Variants in TMEFF1 observed in about 807,000 individuals in gnomAD.
TMEFF1 encodes the protein transmembrane protein with EGF like and two follistatin like domains 1.
Under a neutral mutation model 47.5 loss-of-function variants are expected in TMEFF1, and 20 were observed. The ratio of observed to expected loss-of-function variants is 0.42; its 90% confidence interval spans 0.30 to 0.61. TMEFF1 has a LOEUF of 0.61. Ranked by LOEUF, TMEFF1 falls within the 20% of genes least tolerant of loss-of-function variation. The pLI, the probability that TMEFF1 is intolerant of heterozygous loss-of-function variation, is 0.19. For synonymous variants in TMEFF1, 162 were observed against 166.3 expected, an observed-to-expected ratio of 0.97 and a Z score of 0.20; for missense variants, 411 against 471.1, an observed-to-expected ratio of 0.87 and a Z score of 1.18.
chr9:100,534,523 C>G (rs73655586), intron 5 of TMEFF1, among the ~76,000 whole-genome samples: 17,939 of 152,268 alleles, frequency 0.12, 1,186 homozygotes, highest in Middle Eastern at 0.18. Context: ...GCTTGGCAGT[C>G]TGCAAACAGC....
At chr9:100,570,001 T>G (rs1357243109) in intron 8 of TMEFF1, among the ~76,000 whole-genome samples, 1 of 152,188 alleles carries the variant, frequency 6.6e-6, no homozygotes, top group Non-Finnish European at 1.5e-5. Flanking sequence ...TGAGATCAAC[T>G]TTTTTAGGTT....
At chr9:100,522,710 C>T (rs1316134935) in intron 5 of TMEFF1, among the ~76,000 whole-genome samples, 1 of 151,704 alleles carries the variant, frequency 6.6e-6, no homozygotes, top group Non-Finnish European at 1.5e-5. Context: ...GCTGGGATTA[C>T]AGGCCTGAGC....
chr9:100,485,544 A>G (rs1444123044), intron 1 of TMEFF1, among the ~76,000 whole-genome samples: 1 of 152,178 alleles, frequency 6.6e-6, no homozygotes, highest in Non-Finnish European at 1.5e-5. Flanking sequence ...ATAACCAACC[A>G]TCTTCATTTA....
In TMEFF1 at chr9:100,473,712, C is replaced by T. The variant is rs1837164031; in HGVS notation, c.168C>T (p.Gly56=). The change falls in exon 1 of 10, where the codon GGC becomes GGT. Residue 56 remains glycine, a synonymous_variant. Transcript: ENST00000374879. This position sits in a 1 kb window ranked among gnomAD's most constrained non-coding sequence, Gnocchi z 5.4. The part of the protein sequence containing the change: ...GGGGSGGDCP[G]GKGKSINCSE... ...GCGGCAGCGGCGGGGACTGTCCCGG[C>T]GGCAAAGGCAAGAGCATCAACTGCT... 3 of 1,529,728 alleles carry T rather than the reference C, an allele frequency of 2.0e-6. No homozygotes were observed. The highest frequency in any genetic ancestry group is 2.8e-5 in the African/African-American group (2 of 71,396). 94.8% of individuals were successfully genotyped at this position (1,529,728 alleles called of 1,614,324 possible).
At chr9:100,536,409 A>G (rs1460605859) in intron 5 of TMEFF1, among the ~76,000 whole-genome samples, 1 of 152,210 alleles carries the variant, frequency 6.6e-6, no homozygotes, top group Non-Finnish European at 1.5e-5. Context: ...CTGGGAACAA[A>G]AAAAACGAAG....
chr9:100,543,878 T>C (rs924688491), intron 5 of TMEFF1, among the ~76,000 whole-genome samples: 3 of 152,138 alleles, frequency 2.0e-5, no homozygotes, highest in African/African-American at 7.2e-5. Flanking sequence ...TAATTCTGGG[T>C]TTGAGATTTT....
intron 2 of TMEFF1, among the ~76,000 whole-genome samples, chr9:100,500,585 T>A (rs999461753): frequency 2.0e-5 from 3 of 152,232 alleles, no homozygotes; most frequent in African/African-American, 7.2e-5. Flanking sequence ...ACAGTTTCTG[T>A]TTACCTGCTG....
intron 1 of TMEFF1, among the ~76,000 whole-genome samples, chr9:100,487,228 A>G (rs1038395669): frequency 2.0e-5 from 3 of 152,014 alleles, no homozygotes; most frequent in Non-Finnish European, 4.4e-5. Flanking sequence ...CAGTATCACT[A>G]TCTTGGCTCA....
intron 8 of TMEFF1, among the ~76,000 whole-genome samples, chr9:100,564,214 A>G (rs892169753): frequency 6.6e-6 from 1 of 152,126 alleles, no homozygotes; most frequent in African/African-American, 2.4e-5. Flanking sequence ...AGCTGGGATT[A>G]CAGGTGTGTG....
At chr9:100,538,336 G>A (rs542543475) in intron 5 of TMEFF1, among the ~76,000 whole-genome samples, 3 of 152,212 alleles carry the variant, frequency 2.0e-5, no homozygotes, top group Non-Finnish European at 2.9e-5. Context: ...GATTACAGGC[G>A]TGAGCCTCTG....
chr9:100,509,211 G>T (rs183469310), intron 3 of TMEFF1, 77 bp downstream of exon 3: 109 of 1,403,128 alleles, frequency 7.8e-5, no homozygotes, highest in Non-Finnish European at 6.4e-5. Context: ...TGAGTCAGAG[G>T]TATATTTCCA....
intron 8 of TMEFF1, among the ~76,000 whole-genome samples, chr9:100,564,727 A>G (rs181439450): frequency 6.6e-6 from 1 of 152,202 alleles, no homozygotes; most frequent in Admixed American, 6.5e-5. Flanking sequence ...AGTAGCAATG[A>G]TGAGATCAAA....
intron 1 of TMEFF1, among the ~76,000 whole-genome samples, chr9:100,477,898 A>T (rs1351630556): frequency 2.0e-5 from 3 of 152,102 alleles, no homozygotes; most frequent in Non-Finnish European, 4.4e-5. Context: ...AAGTGCTAGG[A>T]TTACAGGCAT....
intron 3 of TMEFF1, among the ~76,000 whole-genome samples, chr9:100,511,917 A>G (rs1837974580): frequency 6.6e-6 from 1 of 152,228 alleles, no homozygotes; most frequent in African/African-American, 2.4e-5. Context: ...GAGTAGCCAC[A>G]GTATTTAATT....
chr9:100,576,014 T>C (rs1187707485), intron 9 of TMEFF1, among the ~76,000 whole-genome samples: 1 of 152,166 alleles, frequency 6.6e-6, no homozygotes, highest in Non-Finnish European at 1.5e-5. Context: ...CTAAAATCAG[T>C]AGACATTCCT....
chr9:100,548,025 T>C (rs931808478), intron 6 of TMEFF1, 133 bp downstream of exon 6: 6 of 1,066,682 alleles, frequency 5.6e-6, no homozygotes, highest in Admixed American at 4.2e-5. Flanking sequence ...TTACTTTATA[T>C]TTCAGATTTT....
intron 7 of TMEFF1, among the ~76,000 whole-genome samples, chr9:100,553,667 G>A (rs1201166448): frequency 2.0e-5 from 3 of 152,180 alleles, no homozygotes; most frequent in Non-Finnish European, 4.4e-5. Context: ...GGATATGATT[G>A]AGCATGAGTT....
intron 5 of TMEFF1, among the ~76,000 whole-genome samples, chr9:100,517,733 T>G (rs1197679707): frequency 6.6e-6 from 1 of 152,226 alleles, no homozygotes; most frequent in Non-Finnish European, 1.5e-5. Flanking sequence ...TCACATAGAT[T>G]GACCCATGTC....
intron 7 of TMEFF1, among the ~76,000 whole-genome samples, chr9:100,555,185 A>G (rs533872562): frequency 4.1e-4 from 62 of 152,078 alleles, no homozygotes; most frequent in Admixed American, 1.2e-3. Flanking sequence ...ACACACACAC[A>G]CACACACACG....
Sources: allele counts gnomAD v4.1 joint callset (sites outside exome capture counted in the v4.1 genomes callset), GRCh38; gene constraint gnomAD v4.1.1; non-coding constraint Gnocchi (gnomAD v3.1); transcripts MANE v1.5; gene names NCBI Gene and HGNC (gene_info 2026-07-23, HGNC 2026-07-21).